Variants in CELF4 observed in about 807,000 individuals in gnomAD.
The protein encoded by CELF4 is CUGBP Elav-like family member 4.
In CELF4, 18 loss-of-function variants were observed where a neutral mutation model predicts 59.9. The observed-to-expected ratio is 0.30, with a 90% CI of 0.21 to 0.45. The LOEUF (loss-of-function observed/expected upper bound fraction) is 0.45. Among genes scored for constraint, CELF4 ranks in the 20% least tolerant of loss-of-function variants. The pLI is 1.00. For synonymous variants in CELF4, 261 were observed against 267.1 expected (o/e 0.98, Z 0.22); for missense variants, 456 against 689.0 (o/e 0.66, Z 3.79).
intron 2 of CELF4, among the ~76,000 whole-genome samples, chr18:37,482,484 T>C (rs2099870614): frequency 6.6e-6 from 1 of 152,118 alleles, no homozygotes; most frequent in South Asian, 2.1e-4. Context: ...AACTCAAAAA[T>C]AATAATCCAT....
intron 3 of CELF4, among the ~76,000 whole-genome samples, chr18:37,290,839 G>A (rs1428249346): frequency 6.6e-6 from 1 of 152,166 alleles, no homozygotes; most frequent in Non-Finnish European, 1.5e-5. Context: ...TCCTCCTCCT[G>A]TCTGTCTTTC....
At chr18:37,437,126 G>T (rs2099695265) in intron 2 of CELF4, among the ~76,000 whole-genome samples, 2 of 152,208 alleles carry the variant, frequency 1.3e-5, no homozygotes, top group Admixed American at 6.5e-5. Flanking sequence ...TCCCCAGTGG[G>T]TGGCAGGTGG....
At chr18:37,342,805 A>C (rs1465780046) in intron 2 of CELF4, among the ~76,000 whole-genome samples, 1 of 152,226 alleles carries the variant, frequency 6.6e-6, no homozygotes, top group African/African-American at 2.4e-5. Flanking sequence ...AAACTAATGC[A>C]AAAAAAGTTG....
chr18:37,545,753 T>TAC (rs146431291), intron 1 of CELF4, among the ~76,000 whole-genome samples: 27,920 of 149,316 alleles, frequency 0.19, 2,986 homozygotes, highest in South Asian at 0.3. Flanking sequence ...TGTGTGGGCA[T>TAC]ACACACACAC....
chr18:37,463,097 C>A (rs1217276671), intron 2 of CELF4, among the ~76,000 whole-genome samples: 1 of 152,174 alleles, frequency 6.6e-6, no homozygotes, highest in East Asian at 1.9e-4. Flanking sequence ...CCCTAGAGAA[C>A]CTTCTCCATG....
intron 2 of CELF4, among the ~76,000 whole-genome samples, chr18:37,459,762 C>G (rs1263684990): frequency 2.0e-5 from 3 of 152,138 alleles, no homozygotes; most frequent in African/African-American, 7.2e-5. Flanking sequence ...GGGTGGAGGT[C>G]TTGGCATTTG....
At chr18:37,461,474 A>G (rs1051626031) in intron 2 of CELF4, among the ~76,000 whole-genome samples, 2 of 152,204 alleles carry the variant, frequency 1.3e-5, no homozygotes, top group African/African-American at 4.8e-5. Flanking sequence ...GAACTCATTC[A>G]CTATCACAAG....
At chr18:37,332,479 C>T (rs892575938) in intron 2 of CELF4, among the ~76,000 whole-genome samples, 1 of 152,166 alleles carries the variant, frequency 6.6e-6, no homozygotes, top group Admixed American at 6.5e-5. Context: ...GGGCTGCCTG[C>T]TCCTCCTTCT....
intron 2 of CELF4, among the ~76,000 whole-genome samples, chr18:37,439,076 G>T (rs2099703135): frequency 6.6e-6 from 1 of 152,146 alleles, no homozygotes; most frequent in Admixed American, 6.5e-5. Context: ...ACTGCAGAGG[G>T]CCCCAGGGAC....
chr18:37,366,524 A>T (rs1000864190), intron 2 of CELF4, among the ~76,000 whole-genome samples: 2 of 152,058 alleles, frequency 1.3e-5, no homozygotes, highest in Admixed American at 1.3e-4. Flanking sequence ...CTCAGACCCC[A>T]TTCTTCCCCA....
chr18:37,257,806 G>A (rs1436707931), intron 11 of CELF4, among the ~76,000 whole-genome samples: 1 of 152,210 alleles, frequency 6.6e-6, no homozygotes, highest in African/African-American at 2.4e-5. Flanking sequence ...GTGGCTCTCT[G>A]GGGACTGGAC....
chr18:37,428,870 C>T (rs2099630728), intron 2 of CELF4, among the ~76,000 whole-genome samples: 2 of 152,192 alleles, frequency 1.3e-5, no homozygotes, highest in Admixed American at 1.3e-4. Context: ...TGTATCTCTT[C>T]CACAAACATC....
chr18:37,344,651 G>A (rs1204698748), intron 2 of CELF4, among the ~76,000 whole-genome samples: 1 of 152,224 alleles, frequency 6.6e-6, no homozygotes, highest in Non-Finnish European at 1.5e-5. Flanking sequence ...ATGCATATGT[G>A]CACAGCTTTC....
chr18:37,473,583 C>A (rs2099840289), intron 2 of CELF4: 1 of 152,218 alleles, frequency 6.6e-6, no homozygotes, highest in African/African-American at 2.4e-5. Context: ...AATAAACATG[C>A]AGAGTTAGCA....
intron 2 of CELF4, among the ~76,000 whole-genome samples, chr18:37,427,855 T>G (rs2099623731): frequency 6.6e-6 from 1 of 152,234 alleles, no homozygotes. Context: ...GGCCTGGCAC[T>G]GAAGACCTGG....
chr18:37,404,977 T>TA (rs998319347), intron 2 of CELF4, among the ~76,000 whole-genome samples: 4 of 151,892 alleles, frequency 2.6e-5, no homozygotes, highest in Non-Finnish European at 4.4e-5. Context: ...ACATTCCTTG[T>TA]AAAAAAACAA....
At chr18:37,326,103 C>T (rs1275202025) in intron 2 of CELF4, among the ~76,000 whole-genome samples, 1 of 152,110 alleles carries the variant, frequency 6.6e-6, no homozygotes, top group Admixed American at 6.5e-5. Flanking sequence ...GCACATCTGT[C>T]CTGGGAGAGG....
intron 3 of CELF4, among the ~76,000 whole-genome samples, chr18:37,309,609 T>A (rs2096572204): frequency 6.6e-6 from 1 of 151,864 alleles, no homozygotes; most frequent in Non-Finnish European, 1.5e-5. Context: ...GAAACAAGAC[T>A]CCAGGATGGG....
At chr18:37,491,880 A>G (rs1205121030) in intron 1 of CELF4, among the ~76,000 whole-genome samples, 1 of 152,184 alleles carries the variant, frequency 6.6e-6, no homozygotes, top group African/African-American at 2.4e-5. Context: ...AATTGCACGG[A>G]GATGGCAGTA....
Sources: gnomAD v4.1 joint callset for allele counts (sites outside exome capture counted in the v4.1 genomes callset) on GRCh38, gnomAD v4.1.1 for gene constraint, MANE v1.5 for transcripts, NCBI Gene and HGNC (gene_info 2026-07-23, HGNC 2026-07-21) for gene names.